Variants in ZNF567 observed in about 807,000 individuals in gnomAD.
ZNF567 encodes zinc finger protein 567.
In ZNF567, 36 loss-of-function variants were observed where a neutral mutation model predicts 53.9. That is an observed-to-expected ratio of 0.67 (90% CI 0.51 to 0.88). The LOEUF (loss-of-function observed/expected upper bound fraction) is 0.88, where lower values mean the gene tolerates loss of function less well. ZNF567 is among the 40% of genes least tolerant of loss of function. The pLI is 0.00. For synonymous variants in ZNF567, 224 were observed against 260.4 expected (o/e 0.86, Z 1.35); for missense variants, 619 against 764.7 (o/e 0.81, Z 2.25).
At chr19:36,726,813 T>TA (rs1454053451), downstream of ZNF567, among the ~76,000 whole-genome samples, 6 of 152,056 alleles carry the variant, frequency 3.9e-5, no homozygotes, top group South Asian at 2.1e-4. Context: ...CATCTGCAGT[T>TA]ATAGTCCTGG....
At chr19:36,686,420 A>T (rs2145483592), upstream of ZNF567, 1 of 152,286 alleles carries the variant, frequency 6.6e-6, no homozygotes, top group South Asian at 2.1e-4. Flanking sequence ...TCTACCATAA[A>T]CATACTCAGA....
At chr19:36,689,778 T>C (rs1275891367) in intron 2 of ZNF567, among the ~76,000 whole-genome samples, 1 of 152,104 alleles carries the variant, frequency 6.6e-6, no homozygotes, top group African/African-American at 2.4e-5. Context: ...ATATGTAAAA[T>C]TTTTGCCAAG....
chr19:36,682,170 G>A, the ZNF567 span, among the ~76,000 whole-genome samples: 2 of 151,598 alleles, frequency 1.3e-5, no homozygotes, highest in African/African-American at 4.8e-5. Context: ...CTAGCTACTT[G>A]GGGAGCTGAG....
intron 3 of ZNF567, among the ~76,000 whole-genome samples, chr19:36,707,692 C>T (rs1207776392): frequency 6.6e-6 from 1 of 152,142 alleles, no homozygotes; most frequent in East Asian, 1.9e-4. Context: ...ATTCTCCTGC[C>T]TCAGCCTCCT....
At chr19:36,697,726 G>A (rs536465395) in intron 3 of ZNF567, among the ~76,000 whole-genome samples, 12 of 151,126 alleles carry the variant, frequency 7.9e-5, no homozygotes, top group African/African-American at 1.5e-4. Flanking sequence ...ATTCTGGTGC[G>A]TCAGCCTCCC....
chr19:36,667,105 A>G, the ZNF567 span, among the ~76,000 whole-genome samples: 18 of 152,242 alleles, frequency 1.2e-4, no homozygotes, highest in Non-Finnish European at 2.4e-4. Flanking sequence ...GGCGCGGACT[A>G]ACCCGGCTTC....
rs1245850673 is a variant in ZNF567 at position 36,719,587 on chromosome 19, A to G, written c.863A>G (p.Asn288Ser). Residue 288 changes from asparagine (N) to serine (S), a missense_variant, in exon 6 of 6, where the codon AAT becomes AGT. Coordinates refer to ENST00000682579, the MANE Select transcript of ZNF567 (RefSeq NM_001322917.1). ...EKPYQCHQCG[N>S]AFRRKSYLID... is the part of the protein sequence containing the mutation. ...CCCTATCAATGTCATCAATGTGGAA[A>G]TGCATTTAGAAGGAAATCATATCTC... The G allele has an allele frequency of 1.2e-6, 2 of 1,614,072 alleles. No individual in the cohort carries two copies. The highest frequency in any genetic ancestry group is 1.7e-6 in the Non-Finnish European group (2 of 1,180,040).
At chr19:36,725,573 T>C (rs184718237), downstream of ZNF567, among the ~76,000 whole-genome samples, 103 of 152,340 alleles carry the variant, frequency 6.8e-4, no homozygotes, top group Admixed American at 4.0e-3. Flanking sequence ...AAGAAAGTTA[T>C]CTTGTTTAAA....
intron 3 of ZNF567, among the ~76,000 whole-genome samples, chr19:36,706,532 A>C (rs2145764857): frequency 6.6e-6 from 1 of 151,818 alleles, no homozygotes; most frequent in East Asian, 2.0e-4. Context: ...GGGTTCAACC[A>C]ATCTGCCTGC....
chr19:36,724,653 G>C (rs946457993), downstream of ZNF567, among the ~76,000 whole-genome samples: 3 of 147,152 alleles, frequency 2.0e-5, no homozygotes, highest in African/African-American at 5.1e-5. Flanking sequence ...CTGCACTCCA[G>C]CCTGCGCGAA....
chr19:36,712,596 T>A (rs910055065), intron 4 of ZNF567, 84 bp downstream of exon 4: 1 of 1,570,418 alleles, frequency 6.4e-7, no homozygotes, highest in Non-Finnish European at 8.7e-7. Context: ...ATTTCAGGAA[T>A]AAGAGGTGAT....
downstream of ZNF567, among the ~76,000 whole-genome samples, chr19:36,725,822 T>C (rs567495196): frequency 3.3e-5 from 5 of 152,320 alleles, no homozygotes; most frequent in South Asian, 1.0e-3. Flanking sequence ...CTAACTTCTA[T>C]ATTTTTTACA....
At chr19:36,726,350 T>C (rs2040334967), downstream of ZNF567, among the ~76,000 whole-genome samples, 1 of 152,248 alleles carries the variant, frequency 6.6e-6, no homozygotes, top group African/African-American at 2.4e-5. Flanking sequence ...ATTTTATCTA[T>C]TATGAGATTG....
intron 3 of ZNF567, among the ~76,000 whole-genome samples, chr19:36,705,538 G>C (rs969201663): frequency 6.6e-6 from 1 of 152,204 alleles, no homozygotes; most frequent in African/African-American, 2.4e-5. Context: ...AGTCAGAGCA[G>C]AGTCTATATG....
chr19:36,698,203 CG>C (rs1568689411), intron 3 of ZNF567, among the ~76,000 whole-genome samples: 1 of 152,002 alleles, frequency 6.6e-6, no homozygotes, highest in African/African-American at 2.4e-5. Flanking sequence ...TGATAGTTTA[CG>C]GAGAATGATG....
At chr19:36,702,596 C>A (rs2039260097) in intron 3 of ZNF567, among the ~76,000 whole-genome samples, 1 of 152,044 alleles carries the variant, frequency 6.6e-6, no homozygotes, top group Non-Finnish European at 1.5e-5. Context: ...TCAAATAGTC[C>A]CATATTTCTT....
intron 3 of ZNF567, among the ~76,000 whole-genome samples, chr19:36,697,282 G>T (rs368440684): frequency 6.6e-6 from 1 of 151,606 alleles, no homozygotes; most frequent in African/African-American, 2.4e-5. Flanking sequence ...ATTTCCCACT[G>T]TTTATTGCTA....
chr19:36,681,667 C>A, the ZNF567 span, among the ~76,000 whole-genome samples: 24 of 151,624 alleles, frequency 1.6e-4, 1 homozygote, highest in South Asian at 3.1e-3. Flanking sequence ...TGGGCTCAAG[C>A]GATTGGCCCA....
the ZNF567 span, among the ~76,000 whole-genome samples, chr19:36,682,519 T>C: frequency 6.6e-6 from 1 of 151,030 alleles, no homozygotes; most frequent in Non-Finnish European, 1.5e-5. Flanking sequence ...GGAAGAGATA[T>C]GAGGGAGCCT....
Sources: gnomAD v4.1 joint callset for allele counts (sites outside exome capture counted in the v4.1 genomes callset) on GRCh38, gnomAD v4.1.1 for gene constraint, MANE v1.5 for transcripts, NCBI Gene and HGNC (gene_info 2026-07-23, HGNC 2026-07-21) for gene names.